Variants in GPD2 observed in about 807,000 individuals in gnomAD.
GPD2 encodes the protein glycerol-3-phosphate dehydrogenase, mitochondrial.
GPD2 carries 54 observed loss-of-function variants against 82.4 expected under a neutral mutation model. The observed-to-expected ratio is 0.66, with a 90% CI of 0.53 to 0.82. GPD2 has a LOEUF of 0.82. Among genes scored for constraint, GPD2 ranks in the 40% least tolerant of loss-of-function variants. GPD2 has a pLI of 0.00. For missense variants in GPD2, 748 were observed against 896.2 expected, an observed-to-expected ratio of 0.83 and a Z score of 2.11; for synonymous variants, 288 against 306.1, an observed-to-expected ratio of 0.94 and a Z score of 0.62.
intron 16 of GPD2, among the ~76,000 whole-genome samples, chr2:156,581,340 A>G (rs934073410): frequency 6.6e-6 from 1 of 152,102 alleles, no homozygotes. Context: ...GTTTCTAGAT[A>G]CATGTAGTGT....
At chr2:156,504,912 C>T (rs767759940) in intron 3 of GPD2, among the ~76,000 whole-genome samples, 9 of 152,164 alleles carry the variant, frequency 5.9e-5, no homozygotes, top group Non-Finnish European at 1.2e-4. Context: ...ACCCAAATGT[C>T]AACTGTGGTT....
chr2:156,435,100 TAATA>T (rs1344659521), upstream of GPD2, among the ~76,000 whole-genome samples: 1 of 152,178 alleles, frequency 6.6e-6, no homozygotes, highest in Non-Finnish European at 1.5e-5. Flanking sequence ...GTTTGGGATT[TAATA>T]AATATATGCA....
At chr2:156,489,714 T>TCCTTCCTC (rs1684089064) in intron 2 of GPD2, among the ~76,000 whole-genome samples, 2 of 115,132 alleles carry the variant, frequency 1.7e-5, no homozygotes, top group African/African-American at 3.6e-5. Context: ...CTTCCTTCCT[T>TCCTTCCTC]CCTTCCTTCC....
At chr2:156,466,321 A>G (rs1683147269) in intron 1 of GPD2, among the ~76,000 whole-genome samples, 1 of 152,232 alleles carries the variant, frequency 6.6e-6, no homozygotes, top group African/African-American at 2.4e-5. Context: ...TATGACTTTT[A>G]TAGCAATTGT....
chr2:156,411,915 A>AT, the GPD2 span, among the ~76,000 whole-genome samples: 6,739 of 152,316 alleles, frequency 0.044, 220 homozygotes, highest in Non-Finnish European at 0.068. Flanking sequence ...CTTTAGGAAT[A>AT]TATGCCTAGC....
intron 4 of GPD2, among the ~76,000 whole-genome samples, chr2:156,511,174 G>A (rs1477546003): frequency 3.3e-5 from 5 of 152,192 alleles, no homozygotes; most frequent in Admixed American, 3.3e-4. Flanking sequence ...ACTTTTGAAT[G>A]TGTTGCCTTT....
chr2:156,416,530 T>C, the GPD2 span, among the ~76,000 whole-genome samples: 4 of 147,594 alleles, frequency 2.7e-5, no homozygotes, highest in Non-Finnish European at 6.0e-5. Context: ...TTTTTTTTTT[T>C]TTCTTTTTTT....
At chr2:156,470,729 A>G (rs1222220587) in intron 1 of GPD2, among the ~76,000 whole-genome samples, 3 of 152,200 alleles carry the variant, frequency 2.0e-5, no homozygotes, top group Non-Finnish European at 4.4e-5. Flanking sequence ...ATAGGATGTG[A>G]GGAGTTGTTC....
rs1558927836 is a variant in GPD2, at chr2:156,496,126, T to G, written c.185T>G (p.Leu62Arg). ...REPPSREAQL[L>R]TLQNTSEFDI... Reference sequence around the variant, plus strand: ...CCTCCTTCCAGAGAAGCTCAGCTACTGACTTTGCAAAACACATCTGAATTT... The same window carrying G: ...CCTCCTTCCAGAGAAGCTCAGCTACGGACTTTGCAAAACACATCTGAATTT... The change falls in exon 3 of 17, where the codon CTG (leucine) becomes CGG (arginine). Residue 62 changes from leucine (L) to arginine (R), a missense_variant. Coordinates refer to ENST00000438166, the MANE Select transcript of GPD2 (RefSeq NM_000408.5). 1 of 1,612,724 alleles carries G rather than the reference T, an allele frequency of 6.2e-7. No individual in the cohort carries two copies. The highest frequency in any genetic ancestry group is 2.2e-5 in the East Asian group (1 of 44,868).
the GPD2 span, among the ~76,000 whole-genome samples, chr2:156,405,915 C>T: frequency 6.6e-6 from 1 of 152,152 alleles, no homozygotes; most frequent in African/African-American, 2.4e-5. Context: ...GGAGCACTTG[C>T]TCAAGGTACC....
Position 156,452,497 on chromosome 2 carries a change from A to C in GPD2, c.-9+15984A>C, listed in dbSNP as rs547416430. ...CAGTGAGCCGAGATGGCAGCAGTAC[A>C]GTCCAGCTTCGGCTCGGCATCAGAG... On this transcript the variant is annotated intron_variant, in intron 1 of 16. Coordinates refer to ENST00000438166, the MANE Select transcript of GPD2 (RefSeq NM_000408.5). 9.5e-4 allele frequency among the ~76,000 whole-genome samples: 145 copies of C among 152,374 alleles called. 1 individual carries two copies. The highest frequency in any genetic ancestry group is 1.7e-3 in the Non-Finnish European group (118 of 68,036).
chr2:156,526,794 G>C (rs770392129), intron 6 of GPD2, among the ~76,000 whole-genome samples: 1 of 152,102 alleles, frequency 6.6e-6, no homozygotes, highest in Non-Finnish European at 1.5e-5. Context: ...TGGAAACAAG[G>C]AGAGGAGGAA....
chr2:156,442,803 AAATAAAAAAGT>A (rs1682222106), intron 1 of GPD2, among the ~76,000 whole-genome samples: 2 of 152,218 alleles, frequency 1.3e-5, no homozygotes, highest in African/African-American at 2.4e-5. Context: ...TGTCTCAAAA[AAATAAAAAAGT>A]AATAAAAAAT....
intron 2 of GPD2, among the ~76,000 whole-genome samples, chr2:156,476,789 C>T (rs1020487250): frequency 6.6e-6 from 1 of 152,062 alleles, no homozygotes; most frequent in African/African-American, 2.4e-5. Flanking sequence ...TGTGACTTCC[C>T]ATAGTTCAAA....
At chr2:156,428,487 A>G in the GPD2 span, among the ~76,000 whole-genome samples, 1 of 152,236 alleles carries the variant, frequency 6.6e-6, no homozygotes, top group East Asian at 1.9e-4. Flanking sequence ...GATATTTTTT[A>G]GAATACACAT....
At chr2:156,466,934 T>C (rs1300413458) in intron 1 of GPD2, among the ~76,000 whole-genome samples, 1 of 152,228 alleles carries the variant, frequency 6.6e-6, no homozygotes, top group East Asian at 1.9e-4. Flanking sequence ...CCTTTGAGGC[T>C]GAGAAGTGGT....
At chr2:156,465,447 G>A (rs994568460) in intron 1 of GPD2, among the ~76,000 whole-genome samples, 1 of 146,084 alleles carries the variant, frequency 6.8e-6, no homozygotes, top group African/African-American at 2.5e-5. Context: ...CTGCAGCCTT[G>A]AATTCCTGGG....
At chr2:156,550,394 C>A (rs559007957) in intron 7 of GPD2, among the ~76,000 whole-genome samples, 1 of 152,312 alleles carries the variant, frequency 6.6e-6, no homozygotes, top group East Asian at 1.9e-4. Flanking sequence ...GAATGCTTTT[C>A]TTTCTTCAAT....
chr2:156,423,488 A>AC, the GPD2 span, among the ~76,000 whole-genome samples: 3 of 152,020 alleles, frequency 2.0e-5, no homozygotes, highest in African/African-American at 7.3e-5. Flanking sequence ...CATTTATGGG[A>AC]TTTTTCTTTT....
Sources: allele counts gnomAD v4.1 joint callset (sites outside exome capture counted in the v4.1 genomes callset), GRCh38; gene constraint gnomAD v4.1.1; transcripts MANE v1.5; gene names NCBI Gene and HGNC (gene_info 2026-07-23, HGNC 2026-07-21).